Variants in ZSWIM5 observed in about 807,000 individuals in gnomAD.
ZSWIM5 encodes zinc finger SWIM-type containing 5.
In ZSWIM5, 55 loss-of-function variants were observed where a neutral mutation model predicts 119.6. The observed-to-expected ratio is 0.46, with a 90% confidence interval of 0.37 to 0.58. The LOEUF (loss-of-function observed/expected upper bound fraction) is 0.58, where lower values mean the gene tolerates loss of function less well. Among genes scored for constraint, ZSWIM5 ranks in the 20% least tolerant of loss-of-function variants. ZSWIM5 has a pLI of 0.00. For missense variants in ZSWIM5, 1,193 were observed against 1,512.8 expected (o/e 0.79, Z 3.51); for synonymous variants, 537 against 606.9 (o/e 0.88, Z 1.69).
chr1:45,040,649 A>G, intron 6 of ZSWIM5, 111 bp from the exon 7 acceptor site: 1 of 861,428 alleles, frequency 1.2e-6, no homozygotes, highest in East Asian at 2.8e-5. Context: ...TCAACCTGAC[A>G]CCTACTGTAT....
intron 10 of ZSWIM5, among the ~76,000 whole-genome samples, chr1:45,035,448 C>T (rs1436707283): frequency 6.6e-6 from 1 of 152,116 alleles, no homozygotes; most frequent in African/African-American, 2.4e-5. Context: ...TTATTAACAT[C>T]TCAGGGGCTT....
At chr1:45,070,313 C>T (rs533078669) in intron 2 of ZSWIM5, 34 of 1,427,798 alleles carry the variant, frequency 2.4e-5, no homozygotes, top group Admixed American at 1.7e-4. Context: ...GGAAGTAAGA[C>T]GCCACCACCA....
In ZSWIM5 at chr1:45,058,809, G is replaced by A. The variant is rs144759843; in HGVS notation, c.1102-50C>T. 8.7e-3 allele frequency: 14,030 copies of A among 1,605,224 alleles called. 88 individuals are homozygous for A. Among genetic ancestry groups the A allele is most frequent in the Non-Finnish European group, 9.7e-3 (11,390 of 1,175,296 alleles). ...ATTGGTGATTGTGTATCACAAAAAA[G>A]TAGGAGGAGAAGGAAGTGGGGGAGG... On this transcript the variant is annotated intron_variant, in intron 3 of 13. Transcript: ENST00000359600.
chr1:45,205,961 C>T lies in ZSWIM5; in HGVS notation c.390G>A (p.Ala130=). ...GPGAGAAGGA[A]GASPAEEGPQ... The stretch of plus-strand genomic sequence containing the variant: ...GCCCCTCCTCGGCCGGCGAAGCCCC[C>T]GCGGCGCCGCCAGCAGCGCCGGCGC... The change falls in exon 1 of 14, where the codon GCG becomes GCA. Residue 130 remains alanine, a synonymous_variant. Transcript: ENST00000359600. The T allele has an allele frequency of 7.5e-7, 1 of 1,338,172 alleles. No individual in the cohort carries two copies. Among genetic ancestry groups the T allele is most frequent in the Non-Finnish European group, 9.6e-7 (1 of 1,043,408 alleles). The allele number at this position is 1,338,172 out of a possible 1,614,324, so 82.9% of individuals were successfully genotyped here. A position where few individuals can be genotyped will look rare whatever the true frequency, so the allele number is the denominator to read the frequency against.
chr1:45,102,386 G>A (rs572816105), intron 1 of ZSWIM5, among the ~76,000 whole-genome samples: 7 of 152,278 alleles, frequency 4.6e-5, no homozygotes, highest in Non-Finnish European at 8.8e-5. Context: ...TGACTCAAAT[G>A]AGCCCCTACT....
chr1:45,058,403 T>C (rs1645134738), intron 4 of ZSWIM5, among the ~76,000 whole-genome samples: 1 of 152,218 alleles, frequency 6.6e-6, no homozygotes. Context: ...TGGAACAGAA[T>C]GCTTGATGTC....
At chr1:45,086,781 T>TA (rs1645332460) in intron 2 of ZSWIM5, among the ~76,000 whole-genome samples, 1 of 149,624 alleles carries the variant, frequency 6.7e-6, no homozygotes, top group Admixed American at 6.6e-5. Context: ...TAAAGTATAA[T>TA]AAAAAATAAA....
At chr1:45,149,357 C>T (rs773071640) in intron 1 of ZSWIM5, among the ~76,000 whole-genome samples, 15 of 152,140 alleles carry the variant, frequency 9.9e-5, no homozygotes, top group Admixed American at 4.6e-4. Flanking sequence ...AATCATACTA[C>T]GTTTTCAGGC....
At chr1:45,179,230 A>C (rs1645999959) in intron 1 of ZSWIM5, among the ~76,000 whole-genome samples, 1 of 152,160 alleles carries the variant, frequency 6.6e-6, no homozygotes, top group Non-Finnish European at 1.5e-5. Flanking sequence ...TTGAATAAAG[A>C]AAATGAGGTA....
rs1377530278 is a variant in ZSWIM5 at position 45,055,937 on chromosome 1, T to C, written c.1252+2672A>G. Reference sequence around the variant, plus strand: ...TGAGGCTAGGAGTTCAAGACCAGCCTGGGTAACATAGCGAGACCCTGTTGC... The same window carrying C: ...TGAGGCTAGGAGTTCAAGACCAGCCCGGGTAACATAGCGAGACCCTGTTGC... On this transcript the variant is annotated intron_variant, in intron 4 of 13. Transcript: ENST00000359600. 2.6e-5 allele frequency among the ~76,000 whole-genome samples: 4 copies of C among 152,174 alleles called. No individual in the cohort carries two copies. In the East Asian group the frequency reaches 7.7e-4, roughly 29 times the overall value.
Position 45,040,437 on chromosome 1 carries a change from A to G in ZSWIM5, c.1711T>C (p.Leu571=), listed in dbSNP as rs1388716196. ...ATTTCCAGTTGCCGCTGCTGCTGCA[A>G]CCTCAGAGTATTAATAATGGCCACT... ...LTVAIINTLR[L]QQQRQLEIYK... is the part of the protein sequence containing the mutation. The change falls in exon 7 of 14, where the codon TTG becomes CTG. Residue 571 remains leucine (L), a synonymous_variant. Coordinates refer to ENST00000359600, the MANE Select transcript of ZSWIM5 (RefSeq NM_020883.2). The G allele has an allele frequency of 3.7e-6, 6 of 1,611,176 alleles. No individual in the cohort carries two copies. Among genetic ancestry groups the G allele is most frequent in the Non-Finnish European group, 5.1e-6 (6 of 1,178,770 alleles).
At chr1:45,085,534 T>G (rs1296982273) in intron 2 of ZSWIM5, among the ~76,000 whole-genome samples, 1 of 149,506 alleles carries the variant, frequency 6.7e-6, no homozygotes, top group Admixed American at 6.6e-5. Context: ...GTTTGTTTTT[T>G]TTTTTTTTTT....
chr1:45,044,710 C>T (rs1645037219), intron 5 of ZSWIM5, among the ~76,000 whole-genome samples: 1 of 63,498 alleles, frequency 1.6e-5, no homozygotes, highest in Non-Finnish European at 3.0e-5. Context: ...GGCGACAGAG[C>T]CAGACTCCGT....
intron 2 of ZSWIM5, among the ~76,000 whole-genome samples, chr1:45,067,888 C>T (rs1368962219): frequency 1.3e-5 from 2 of 152,056 alleles, no homozygotes; most frequent in Non-Finnish European, 2.9e-5. Flanking sequence ...GTAAATGATA[C>T]TTTAACATTA....
At chr1:45,204,153 T>G (rs1646173346) in intron 1 of ZSWIM5, among the ~76,000 whole-genome samples, 1 of 152,190 alleles carries the variant, frequency 6.6e-6, no homozygotes, top group South Asian at 2.1e-4. Context: ...TCCTCTCTTT[T>G]ATTTGTTCCC....
At chr1:45,188,812 A>G (rs574438782) in intron 1 of ZSWIM5, among the ~76,000 whole-genome samples, 11 of 152,376 alleles carry the variant, frequency 7.2e-5, no homozygotes, top group East Asian at 1.9e-4. Flanking sequence ...GCTAGACAGC[A>G]TATTTATCAC....
chr1:45,021,177 G>A lies in ZSWIM5; in HGVS notation c.2450-389C>T, dbSNP rs1042810940. 7.2e-5 allele frequency among the ~76,000 whole-genome samples: 11 copies of A among 152,098 alleles called. No individual in the cohort carries two copies. The South Asian group carries it at 1.5e-3, about 20-fold the overall frequency. On this transcript the variant is annotated intron_variant, in intron 11 of 13. Coordinates refer to ENST00000359600, the MANE Select transcript of ZSWIM5 (RefSeq NM_020883.2). ...CAGCCTCCTGAGTAGCTGGGACTAC[G>A]GGCGCCCGCCACCACGCCCGGTTAA...
intron 2 of ZSWIM5, among the ~76,000 whole-genome samples, chr1:45,073,591 C>A (rs576292114): frequency 6.6e-6 from 1 of 151,638 alleles, no homozygotes; most frequent in African/African-American, 2.4e-5. Flanking sequence ...TTGTATCCTG[C>A]AATTTTACTG....
intron 1 of ZSWIM5, among the ~76,000 whole-genome samples, chr1:45,145,406 T>C (rs1376356331): frequency 6.7e-6 from 1 of 149,106 alleles, no homozygotes; most frequent in Non-Finnish European, 1.5e-5. Context: ...CTGCCAAAAA[T>C]TAGAAACAAC....
Sources: gnomAD v4.1 joint callset for allele counts (sites outside exome capture counted in the v4.1 genomes callset) on GRCh38, gnomAD v4.1.1 for gene constraint, MANE v1.5 for transcripts, NCBI Gene and HGNC (gene_info 2026-07-23, HGNC 2026-07-21) for gene names.